The following HELZ variants were observed in gnomAD, a reference collection of about 807,000 sequenced individuals.
The protein encoded by HELZ is ATP-dependent RNA helicase with zinc finger domain.
HELZ carries 23 observed loss-of-function variants against 218.2 expected under a neutral mutation model. That is an observed-to-expected ratio of 0.11 (90% CI 0.08 to 0.15). The LOEUF (loss-of-function observed/expected upper bound fraction) is 0.15, where lower values mean the gene tolerates loss of function less well. HELZ is among the 10% of genes least tolerant of loss of function. HELZ has a pLI of 1.00. For missense variants in HELZ, 1,813 were observed against 2,353.7 expected (o/e 0.77, Z 4.75); for synonymous variants, 814 against 829.4 (o/e 0.98, Z 0.32).
At chr17:67,151,598 A>G (rs1406203767) in intron 17 of HELZ, among the ~76,000 whole-genome samples, 10 of 152,210 alleles carry the variant, frequency 6.6e-5, no homozygotes, top group Non-Finnish European at 8.8e-5. Context: ...GTTCTTACAA[A>G]AATACATTGA....
At chr17:67,088,302 T>C (rs1326797492) in intron 31 of HELZ, among the ~76,000 whole-genome samples, 1 of 152,174 alleles carries the variant, frequency 6.6e-6, no homozygotes, top group Non-Finnish European at 1.5e-5. Flanking sequence ...CTCTCAGAAA[T>C]TGTACTTTCA....
chr17:67,130,682 A>G (rs1005375314), intron 23 of HELZ, among the ~76,000 whole-genome samples: 16 of 152,122 alleles, frequency 1.1e-4, no homozygotes, highest in Non-Finnish European at 2.4e-4. Flanking sequence ...CCACTTTCCC[A>G]CCCTTTTAAT....
At chr17:67,114,872 C>A (rs1270609166) in intron 27 of HELZ, among the ~76,000 whole-genome samples, 1 of 152,082 alleles carries the variant, frequency 6.6e-6, no homozygotes, top group Non-Finnish European at 1.5e-5. Flanking sequence ...AGTTATACTG[C>A]TTAAAAGTAA....
At chr17:67,237,611 A>T (rs1415773814) in intron 3 of HELZ, among the ~76,000 whole-genome samples, 1 of 152,210 alleles carries the variant, frequency 6.6e-6, no homozygotes, top group Non-Finnish European at 1.5e-5. Context: ...TCCAGCTTAA[A>T]CCAGATGAGT....
chr17:67,201,241 G>T, intron 6 of HELZ, 56 bp from the exon 7 acceptor site: 2 of 1,137,210 alleles, frequency 1.8e-6, no homozygotes, highest in South Asian at 2.7e-5. Flanking sequence ...TCTTTACTAT[G>T]GCAACTTAGC....
chr17:67,229,409 C>T (rs2040978666), intron 3 of HELZ, among the ~76,000 whole-genome samples: 1 of 152,164 alleles, frequency 6.6e-6, no homozygotes, highest in Non-Finnish European at 1.5e-5. Flanking sequence ...CTCTAAGATG[C>T]TCTCCTCCCA....
Position 67,195,411 on chromosome 17 carries a change from G to A in HELZ, c.481+8C>T, listed in dbSNP as rs758530487. The stretch of plus-strand genomic sequence containing the variant: ...GCTACCAGAAGTTACACAGCATTTG[G>A]CACTTACCCTCATCTAAGTCTTCCA... On this transcript the variant is annotated splice_region_variant and intron_variant, in intron 8 of 32. Coordinates refer to ENST00000358691, the MANE Select transcript of HELZ (RefSeq NM_014877.4). 11 of 1,563,298 alleles carry A rather than the reference G, an allele frequency of 7.0e-6. No homozygotes were observed. Among genetic ancestry groups the A allele is most frequent in the Non-Finnish European group, 9.7e-6 (11 of 1,134,364 alleles).
chr17:67,184,678 T>A (rs1187078924), intron 12 of HELZ, among the ~76,000 whole-genome samples: 1 of 152,046 alleles, frequency 6.6e-6, no homozygotes, highest in African/African-American at 2.4e-5. Context: ...TAGCCAGGCA[T>A]GGTGGTGTGC....
chr17:67,152,363 A>G lies in HELZ; in HGVS notation c.2178-1139T>C, dbSNP rs150273017. On this transcript the variant is annotated intron_variant, in intron 17 of 32. Coordinates refer to ENST00000358691, the MANE Select transcript of HELZ (RefSeq NM_014877.4). Reference sequence around the variant, plus strand: ...GGGTAGAAGCAAGGAGACCAGTTACAAGGTTACTGTTAAGAGTGCAGACAA... The same window carrying G: ...GGGTAGAAGCAAGGAGACCAGTTACGAGGTTACTGTTAAGAGTGCAGACAA... Among the ~76,000 whole-genome samples the G allele has an allele frequency of 1.8e-3, 273 of 152,272 alleles. 1 individual carries two copies. The highest frequency in any genetic ancestry group is 6.2e-3 in the African/African-American group (259 of 41,556).
At chr17:67,084,554 G>A (rs1257487905) in intron 32 of HELZ, among the ~76,000 whole-genome samples, 2 of 151,674 alleles carry the variant, frequency 1.3e-5, no homozygotes, top group Non-Finnish European at 2.9e-5. Flanking sequence ...TCCCAGCTAC[G>A]CGGGAGGCTG....
chr17:67,174,910 C>A (rs766967145), intron 13 of HELZ, among the ~76,000 whole-genome samples: 1 of 152,250 alleles, frequency 6.6e-6, no homozygotes, highest in South Asian at 2.1e-4. Flanking sequence ...GGCAGCAGAT[C>A]TGACCACGAT....
chr17:67,148,341 G>A (rs1408087729), intron 20 of HELZ, among the ~76,000 whole-genome samples: 3 of 152,168 alleles, frequency 2.0e-5, no homozygotes, highest in Admixed American at 6.5e-5. Flanking sequence ...AGTAAAGGAA[G>A]AACATGATTT....
rs1162108408 is a variant in HELZ, at chr17:67,201,176, C to G, written c.382G>C (p.Val128Leu). 1 of 1,606,480 alleles carries G rather than the reference C, an allele frequency of 6.2e-7. No individual in the cohort carries two copies. Among genetic ancestry groups the G allele is most frequent in the Non-Finnish European group, 8.5e-7 (1 of 1,173,520 alleles). ...SLTGESLNGM[V>L]TKDLTRLKTL... ...TTTAGTCTTGTCAAATCCTTTGTTA[C>G]CATCCCATTCTGAAAGGGTGAATAA... The change falls in exon 7 of 33, where the codon GTA (valine) becomes CTA (leucine). Residue 128 changes from valine (V) to leucine (L), a missense_variant. By Grantham distance (32) the Val-to-Leu change is conservative. This residue lies in a region of HELZ where 714 missense variants were observed against 1,029.2 expected (regional missense o/e 0.69). Transcript: ENST00000358691.
intron 3 of HELZ, among the ~76,000 whole-genome samples, chr17:67,229,479 G>A (rs2040980156): frequency 6.6e-6 from 1 of 152,126 alleles, no homozygotes; most frequent in Admixed American, 6.6e-5. Flanking sequence ...CTATTATCTT[G>A]AGTTAAATGC....
At chr17:67,106,848 A>G (rs1453163529) in intron 31 of HELZ, among the ~76,000 whole-genome samples, 1 of 152,222 alleles carries the variant, frequency 6.6e-6, no homozygotes, top group Non-Finnish European at 1.5e-5. Context: ...ATGTAACTTA[A>G]AGCGAAAAGA....
chr17:67,112,102 G>A (rs2037298244), intron 28 of HELZ, among the ~76,000 whole-genome samples: 1 of 152,216 alleles, frequency 6.6e-6, no homozygotes, highest in Non-Finnish European at 1.5e-5. Flanking sequence ...AAGAGCTGAA[G>A]AAGCCTGCAT....
intron 15 of HELZ, among the ~76,000 whole-genome samples, chr17:67,162,682 GAGA>G (rs2039025151): frequency 6.6e-6 from 1 of 151,590 alleles, no homozygotes; most frequent in African/African-American, 2.4e-5. Flanking sequence ...AAGAAGTCCT[GAGA>G]AGGACTTCTA....
At chr17:67,235,185 T>C (rs953766350) in intron 3 of HELZ, among the ~76,000 whole-genome samples, 6 of 151,848 alleles carry the variant, frequency 4.0e-5, no homozygotes, top group Non-Finnish European at 7.4e-5. Flanking sequence ...ACAGTGGTGG[T>C]CTTCTCAGCA....
chr17:67,180,911 G>C (rs1598381723), intron 12 of HELZ, among the ~76,000 whole-genome samples: 1 of 146,358 alleles, frequency 6.8e-6, no homozygotes, highest in East Asian at 2.0e-4. Flanking sequence ...ATTTTAGCCA[G>C]GCATGATGGC....
Sources: gnomAD v4.1 joint callset for allele counts (sites outside exome capture counted in the v4.1 genomes callset) on GRCh38, gnomAD v4.1.1 for gene constraint, gnomAD v4.1.1 regional missense constraint, MANE v1.5 for transcripts, NCBI Gene and HGNC (gene_info 2026-07-23, HGNC 2026-07-21) for gene names.